Variants in RASAL2 observed in about 807,000 individuals in gnomAD.
The protein encoded by RASAL2 is RAS protein activator like 2.
RASAL2 carries 58 observed loss-of-function variants against 128.9 expected under a neutral mutation model. The observed-to-expected ratio is 0.45, with a 90% CI of 0.36 to 0.56. The LOEUF is 0.56. Ranked by LOEUF, RASAL2 falls within the 20% of genes least tolerant of loss-of-function variation. RASAL2 has a pLI of 0.00. For missense variants in RASAL2, 1,360 were observed against 1,601.6 expected, an observed-to-expected ratio of 0.85 and a Z score of 2.57; for synonymous variants, 561 against 580.8, an observed-to-expected ratio of 0.97 and a Z score of 0.49.
intron 1 of RASAL2, among the ~76,000 whole-genome samples, chr1:178,251,417 C>T (rs1461279494): frequency 1.3e-5 from 2 of 152,156 alleles, no homozygotes; most frequent in Non-Finnish European, 2.9e-5. Flanking sequence ...GTGATTTCCT[C>T]ATCACTTAAG....
Position 178,457,813 on chromosome 1 carries a change from A to G in RASAL2, c.2521A>G (p.Ser841Gly), listed in dbSNP as rs1677883926. The G allele has an allele frequency of 5.6e-6, 9 of 1,614,212 alleles. No homozygotes were observed. The highest frequency in any genetic ancestry group is 1.3e-5 in the African/African-American group (1 of 75,054). ...TTCTGAAAAGGATGAAAGGGAAAGT[A>G]GCCTTCCTAATGGTCGGAGCGTCTC... ...TYSEKDERES[S>G]LPNGRSVSLM... Residue 841 changes from serine to glycine, a missense_variant, in exon 14 of 18, where the codon AGC (serine) becomes GGC (glycine). Physicochemically the swap from Ser to Gly is moderately conservative, Grantham distance 56 (BLOSUM62 0). Coordinates refer to ENST00000367649, the MANE Select transcript of RASAL2 (RefSeq NM_170692.4).
intron 3 of RASAL2, among the ~76,000 whole-genome samples, chr1:178,325,033 G>A (rs929216786): frequency 2.0e-5 from 3 of 152,198 alleles, no homozygotes; most frequent in East Asian, 1.9e-4. Context: ...AAAATTTAAA[G>A]CCTATTTTCT....
intron 4 of RASAL2, among the ~76,000 whole-genome samples, chr1:178,399,183 C>T (rs554459772): frequency 6.6e-6 from 1 of 152,202 alleles, no homozygotes; most frequent in South Asian, 2.1e-4. Flanking sequence ...CTCCCTCTCT[C>T]TTCACCCAGC....
At chr1:178,200,252 G>C (rs1194266584) in intron 1 of RASAL2, among the ~76,000 whole-genome samples, 2 of 152,142 alleles carry the variant, frequency 1.3e-5, no homozygotes, top group African/African-American at 4.8e-5. Context: ...GGAGTTGGCT[G>C]CTTAATACGA....
At chr1:178,466,976 A>G (rs1572132428) in intron 16 of RASAL2, among the ~76,000 whole-genome samples, 1 of 152,352 alleles carries the variant, frequency 6.6e-6, no homozygotes, top group African/African-American at 2.4e-5. Flanking sequence ...TAGCTGTGCA[A>G]GGGAAGAGAA....
At chr1:178,221,866 C>T (rs113867106) in intron 1 of RASAL2, among the ~76,000 whole-genome samples, 3,885 of 152,218 alleles carry the variant, frequency 0.026, 85 homozygotes, top group South Asian at 0.059. Context: ...GTTAAAATTT[C>T]CAACTGTAAT....
chr1:178,266,979 A>G lies in RASAL2; in HGVS notation c.203-16585A>G, dbSNP rs377036603. ...AGTTTCTAATGGCTGGCATTTGTATATCAAAGGTTTCCAGCCCAGCTCTAA... is the reference window on the plus strand; with the variant it reads ...AGTTTCTAATGGCTGGCATTTGTATGTCAAAGGTTTCCAGCCCAGCTCTAA... On this transcript the variant is annotated intron_variant, in intron 1 of 17. Transcript: ENST00000367649. 6.0e-4 allele frequency among the ~76,000 whole-genome samples: 92 copies of G among 152,262 alleles called. No individual in the cohort carries two copies. The East Asian group carries it at 0.015, about 25-fold the overall frequency.
At chr1:178,167,161 G>A (rs1661545403) in intron 1 of RASAL2, among the ~76,000 whole-genome samples, 1 of 152,076 alleles carries the variant, frequency 6.6e-6, no homozygotes, top group Non-Finnish European at 1.5e-5. Flanking sequence ...AATATGTACA[G>A]TAAGAGTGTT....
At chr1:178,095,047 G>T (rs1426691337) in intron 1 of RASAL2, among the ~76,000 whole-genome samples, 1 of 152,112 alleles carries the variant, frequency 6.6e-6, no homozygotes, top group Non-Finnish European at 1.5e-5. Flanking sequence ...ATGGATTTTC[G>T]TCTCTTTTTA....
chr1:178,201,774 G>A (rs888917578), intron 1 of RASAL2, among the ~76,000 whole-genome samples: 4 of 152,112 alleles, frequency 2.6e-5, no homozygotes, highest in African/African-American at 7.2e-5. Flanking sequence ...AGAAGCCTAC[G>A]GCATTCCTAC....
chr1:178,326,205 C>T (rs1209732681), intron 3 of RASAL2, among the ~76,000 whole-genome samples: 2 of 152,048 alleles, frequency 1.3e-5, no homozygotes, highest in African/African-American at 4.8e-5. Context: ...CTCATGTACC[C>T]ATGTAAAAGG....
At chr1:178,296,580 C>G (rs951681437) in intron 2 of RASAL2, among the ~76,000 whole-genome samples, 2 of 150,982 alleles carry the variant, frequency 1.3e-5, no homozygotes, top group African/African-American at 4.9e-5. Flanking sequence ...TGCCCAGGGT[C>G]TTGAACTTTT....
At chr1:178,318,071 A>G (rs1199470043) in intron 3 of RASAL2, among the ~76,000 whole-genome samples, 1 of 151,712 alleles carries the variant, frequency 6.6e-6, no homozygotes, top group Non-Finnish European at 1.5e-5. Flanking sequence ...ATTCAGGAGC[A>G]GGTTGTTCAG....
chr1:178,464,371 G>T lies in RASAL2; in HGVS notation c.3346G>T (p.Glu1116Ter). 1 of 1,613,824 alleles carries T rather than the reference G, an allele frequency of 6.2e-7. No individual in the cohort carries two copies. Among genetic ancestry groups the T allele is most frequent in the Non-Finnish European group, 8.5e-7 (1 of 1,179,808 alleles). The change falls in exon 15 of 18, where the codon GAA (glutamate) becomes TAA (stop). Residue 1116 changes from glutamate to a stop codon, truncating the protein, a stop_gained. Coordinates refer to ENST00000367649, the MANE Select transcript of RASAL2 (RefSeq NM_170692.4). LOFTEE classifies it high-confidence loss of function. ...NNGQYEEDVE[E>*]TEQNLDEAKH... ...TGGGCAGTATGAAGAGGATGTGGAA[G>T]AAACTGAGCAAAATCTAGATGAAGC...
intron 1 of RASAL2, among the ~76,000 whole-genome samples, chr1:178,255,381 G>A (rs1159481288): frequency 6.6e-6 from 1 of 151,942 alleles, no homozygotes; most frequent in Non-Finnish European, 1.5e-5. Flanking sequence ...TATTATTATT[G>A]TTGGGCTCAT....
intron 1 of RASAL2, among the ~76,000 whole-genome samples, chr1:178,197,819 A>C (rs1406069208): frequency 6.6e-6 from 1 of 152,060 alleles, no homozygotes; most frequent in Admixed American, 6.6e-5. Context: ...CATTTACATT[A>C]GGTATTTCTC....
chr1:178,145,101 G>A (rs1052038292), intron 1 of RASAL2, among the ~76,000 whole-genome samples: 1 of 152,096 alleles, frequency 6.6e-6, no homozygotes, highest in Non-Finnish European at 1.5e-5. Flanking sequence ...TTATTTTATA[G>A]CAAACACAAG....
At chr1:178,216,419 C>T (rs1016021163) in intron 1 of RASAL2, among the ~76,000 whole-genome samples, 9 of 152,180 alleles carry the variant, frequency 5.9e-5, no homozygotes, top group African/African-American at 1.2e-4. Flanking sequence ...TCCAAAAAGA[C>T]ATCTCTAGAT....
At chr1:178,205,698 A>G (rs1408258709) in intron 1 of RASAL2, among the ~76,000 whole-genome samples, 2 of 152,022 alleles carry the variant, frequency 1.3e-5, no homozygotes, top group Non-Finnish European at 2.9e-5. Flanking sequence ...CAGAGCTTGC[A>G]GTGAGCTGAG....
Sources: allele counts gnomAD v4.1 joint callset (sites outside exome capture counted in the v4.1 genomes callset), GRCh38; gene constraint gnomAD v4.1.1; transcripts MANE v1.5; gene names NCBI Gene and HGNC (gene_info 2026-07-23, HGNC 2026-07-21).